Variants in EYA3 observed in about 807,000 individuals in gnomAD.
EYA3 encodes the protein protein phosphatase EYA3.
A neutral mutation model predicts 80.0 loss-of-function variants in EYA3; 39 were observed. The ratio of observed to expected loss-of-function variants is 0.49; its 90% CI spans 0.38 to 0.64. EYA3 has a LOEUF of 0.64. Ranked by LOEUF, EYA3 falls within the 30% of genes least tolerant of loss-of-function variation. The probability of loss-of-function intolerance (pLI) is 0.00; values close to 1 mark genes in which losing one functional copy is unlikely to be tolerated. For synonymous variants in EYA3, 206 were observed against 232.8 expected (o/e 0.88, Z 1.05); for missense variants, 523 against 676.1 (o/e 0.77, Z 2.51).
At chr1:27,981,130 G>A (rs1639276166) in intron 16 of EYA3, among the ~76,000 whole-genome samples, 1 of 152,126 alleles carries the variant, frequency 6.6e-6, no homozygotes, top group Admixed American at 6.6e-5. Flanking sequence ...TCACAGAATG[G>A]CCATTAAGAG....
At chr1:28,034,655 A>G (rs763116182) in intron 6 of EYA3, among the ~76,000 whole-genome samples, 1 of 152,222 alleles carries the variant, frequency 6.6e-6, no homozygotes, top group Non-Finnish European at 1.5e-5. Flanking sequence ...CAATATCATA[A>G]AAGAGTAGCC....
intron 1 of EYA3, among the ~76,000 whole-genome samples, chr1:28,066,124 T>C (rs1406367321): frequency 6.6e-6 from 1 of 151,906 alleles, no homozygotes. Context: ...GTCTACAACA[T>C]GAATATGTTG....
intron 13 of EYA3, among the ~76,000 whole-genome samples, chr1:27,996,724 T>C: frequency 6.6e-6 from 1 of 152,224 alleles, no homozygotes; most frequent in East Asian, 1.9e-4. Context: ...AACAAACTAA[T>C]ATGAAAAGAT....
chr1:28,042,327 A>G (rs1643830252), intron 4 of EYA3, among the ~76,000 whole-genome samples: 1 of 152,178 alleles, frequency 6.6e-6, no homozygotes, highest in East Asian at 1.9e-4. Flanking sequence ...TCCAATCTCA[A>G]AACAAAAATA....
intron 8 of EYA3, among the ~76,000 whole-genome samples, chr1:28,015,444 G>T (rs1191655216): frequency 6.6e-6 from 1 of 152,152 alleles, no homozygotes; most frequent in African/African-American, 2.4e-5. Flanking sequence ...AAGGAGAATG[G>T]CGTGAACCCG....
intron 1 of EYA3, among the ~76,000 whole-genome samples, chr1:28,059,112 C>G (rs1018164436): frequency 4.6e-5 from 7 of 152,134 alleles, no homozygotes; most frequent in Non-Finnish European, 1.0e-4. Flanking sequence ...ACTTGTTATG[C>G]CAGTATACCA....
At chr1:28,016,618 T>C (rs1301068773) in intron 8 of EYA3, among the ~76,000 whole-genome samples, 1 of 150,798 alleles carries the variant, frequency 6.6e-6, no homozygotes, top group African/African-American at 2.4e-5. Context: ...AAGGAGACAG[T>C]GGTGATGATA....
At chr1:28,003,270 AAACAACAAC>A (rs139958121) in intron 11 of EYA3, among the ~76,000 whole-genome samples, 14,226 of 145,666 alleles carry the variant, frequency 0.098, 884 homozygotes, top group East Asian at 0.25. Flanking sequence ...ACTCCGTCTC[AAACAACAAC>A]AACAACAACA....
intron 1 of EYA3, among the ~76,000 whole-genome samples, chr1:28,077,336 C>T (rs1389244605): frequency 2.0e-5 from 3 of 152,130 alleles, no homozygotes; most frequent in Admixed American, 2.0e-4. Context: ...GAACTCCTGA[C>T]CTCAGGTGAT....
At chr1:27,985,770 G>A (rs184598946) in intron 16 of EYA3, among the ~76,000 whole-genome samples, 191 of 151,970 alleles carry the variant, frequency 1.3e-3, no homozygotes, top group African/African-American at 4.3e-3. Flanking sequence ...TTAGTAGAGA[G>A]GGGGTTTCAT....
Position 27,973,511 on chromosome 1 carries a change from C to T in EYA3, c.*955G>A, listed in dbSNP as rs1638806112. On this transcript the variant is annotated 3_prime_UTR_variant, in exon 18 of 18. Transcript: ENST00000373871. ...TGAAATTCATAAGACACTTTAGTTC[C>T]TTCTCTCCAGTTTGGAAGCTAAGCC... 1 of 152,114 alleles carries T rather than the reference C, an allele frequency of 6.6e-6. No homozygotes were observed. The highest frequency in any genetic ancestry group is 1.5e-5 in the Non-Finnish European group (1 of 68,036). 9.4% of individuals were successfully genotyped at this position (152,114 alleles called of 1,614,324 possible).
At chr1:28,026,755 G>A (rs958997826) in intron 7 of EYA3, among the ~76,000 whole-genome samples, 1 of 144,492 alleles carries the variant, frequency 6.9e-6, no homozygotes, top group Non-Finnish European at 1.6e-5. Context: ...GAGAGGACAA[G>A]GGGAGAAAAA....
Position 27,988,640 on chromosome 1 carries a change from C to T in EYA3, c.1435G>A (p.Val479Ile). The T allele has an allele frequency of 6.2e-7, 1 of 1,613,996 alleles. No homozygotes were observed. The highest frequency in any genetic ancestry group is 8.5e-7 in the Non-Finnish European group (1 of 1,179,954). Residue 479 changes from valine (V) to isoleucine (I), a missense_variant, in exon 16 of 18, where the codon GTT becomes ATT. Val to Ile is a conservative substitution (Grantham distance 29). Around this residue, in one of 2 missense-constraint regions of EYA3, gnomAD observed 219 missense variants for 332.8 expected, o/e 0.66. Transcript: ENST00000373871. ...LIQSRKNCVN[V>I]LITTTQLVPA... Reference sequence around the variant, plus strand: ...ACCAGCTGGGTGGTAGTGATCAGAACATTCACACAATTCTTTCTATAAGGG... The same window carrying T: ...ACCAGCTGGGTGGTAGTGATCAGAATATTCACACAATTCTTTCTATAAGGG...
chr1:28,014,763 A>C (rs1641935505), intron 8 of EYA3, among the ~76,000 whole-genome samples: 1 of 152,152 alleles, frequency 6.6e-6, no homozygotes, highest in Admixed American at 6.5e-5. Context: ...TATTGGGATA[A>C]AACTTTTGGT....
At chr1:28,016,953 A>G (rs561676934) in intron 8 of EYA3, among the ~76,000 whole-genome samples, 2 of 152,348 alleles carry the variant, frequency 1.3e-5, no homozygotes, top group Non-Finnish European at 2.9e-5. Context: ...TATTCTAGAG[A>G]GACCCAGCAG....
intron 8 of EYA3, among the ~76,000 whole-genome samples, chr1:28,014,784 C>T (rs1641936856): frequency 6.6e-6 from 1 of 151,632 alleles, no homozygotes; most frequent in Non-Finnish European, 1.5e-5. Context: ...TTCATAGGCA[C>T]ATATATGGCA....
At chr1:28,062,380 A>G (rs992170968) in intron 1 of EYA3, among the ~76,000 whole-genome samples, 1 of 152,194 alleles carries the variant, frequency 6.6e-6, no homozygotes, top group African/African-American at 2.4e-5. Context: ...TTTGAATACT[A>G]TTGAGATTTT....
At chr1:28,048,453 C>T in intron 2 of EYA3, 27 bp from the exon 3 acceptor site, 1 of 1,588,166 alleles carries the variant, frequency 6.3e-7, no homozygotes, top group East Asian at 2.2e-5. Context: ...ACAAAGGTAT[C>T]AATGTACTTG....
intron 1 of EYA3, among the ~76,000 whole-genome samples, chr1:28,088,149 T>C (rs1487564450): frequency 1.3e-5 from 2 of 151,268 alleles, no homozygotes; most frequent in Non-Finnish European, 2.9e-5. Flanking sequence ...TCTCGCTAGG[T>C]GAAAGAACGC....
Sources: allele counts gnomAD v4.1 joint callset (sites outside exome capture counted in the v4.1 genomes callset), GRCh38; gene constraint gnomAD v4.1.1; regional missense constraint gnomAD v4.1.1; transcripts MANE v1.5; gene names NCBI Gene and HGNC (gene_info 2026-07-23, HGNC 2026-07-21).